The following FTSJ1 variants were observed in gnomAD, a reference collection of about 807,000 sequenced individuals.
The protein encoded by FTSJ1 is FtsJ RNA 2'-O-methyltransferase 1.
A neutral mutation model predicts 28.5 loss-of-function variants in FTSJ1; 3 were observed. The observed-to-expected ratio is 0.11, with a 90% CI of 0.05 to 0.27. The LOEUF (loss-of-function observed/expected upper bound fraction) is 0.27, where lower values mean the gene tolerates loss of function less well. Ranked by LOEUF, FTSJ1 falls within the 10% of genes least tolerant of loss-of-function variation. The pLI, the probability that FTSJ1 is intolerant of heterozygous loss-of-function variation, is 1.00. For missense variants in FTSJ1, 162 were observed against 279.0 expected, an observed-to-expected ratio of 0.58 and a Z score of 2.99; for synonymous variants, 104 against 113.9, an observed-to-expected ratio of 0.91 and a Z score of 0.55.
In FTSJ1 at chrX:48,481,413, T is replaced by C. The variant is rs1556968482; in HGVS notation, c.469-13T>C. ...CCACCCTCACCCGCTGTCTTTGCCT[T>C]CTCACCCTGCAGATATTCCGAGGCC... On this transcript the variant is annotated splice_polypyrimidine_tract_variant and intron_variant, in intron 7 of 12. Coordinates refer to ENST00000348411, the MANE Select transcript of FTSJ1 (RefSeq NM_012280.4). 8.3e-7 allele frequency: 1 copy of C among 1,208,824 alleles called. No individual in the cohort carries two copies.
chrX:48,477,471 G>A (rs1252354497), intron 1 of FTSJ1, among the ~76,000 whole-genome samples: 4 of 111,382 alleles, frequency 3.6e-5, no homozygotes. Context: ...GGCGAATGGG[G>A]TGAAACGAGA....
chrX:48,478,243 G>A, intron 2 of FTSJ1, 75 bp downstream of exon 2: 1 of 1,024,168 alleles, frequency 9.8e-7, no homozygotes, highest in South Asian at 2.0e-5. Context: ...GGTCTGCAGA[G>A]CTCCCTGTGG....
At chrX:48,484,439 A>G (rs2061589537) in intron 12 of FTSJ1, among the ~76,000 whole-genome samples, 1 of 109,603 alleles carries the variant, frequency 9.1e-6, no homozygotes, top group South Asian at 3.9e-4. Flanking sequence ...GGTGGAGTGC[A>G]GTGGCACTAT....
intron 12 of FTSJ1, among the ~76,000 whole-genome samples, chrX:48,483,493 A>G (rs1192481476): frequency 9.0e-6 from 1 of 111,699 alleles, no homozygotes; most frequent in East Asian, 2.8e-4. Flanking sequence ...AATTCTAGGC[A>G]TGGCAGTTTT....
chrX:48,483,216 T>C (rs1250585057), intron 12 of FTSJ1, 189 bp downstream of exon 12: 2 of 453,133 alleles, frequency 4.4e-6, no homozygotes. Context: ...CAGTAAACAT[T>C]TATTGAGCAC....
In FTSJ1 at chrX:48,485,880, A is replaced by G. The variant is rs1166913198; in HGVS notation, c.*154A>G. The G allele has an allele frequency of 8.9e-6, 1 of 111,931 alleles. No individual in the cohort carries two copies. Among genetic ancestry groups the G allele is most frequent in the Admixed American group, 9.5e-5 (1 of 10,481 alleles). The allele number at this position is 111,931 out of a possible 1,213,427, so 9.2% of individuals were successfully genotyped here. A position where few individuals can be genotyped will look rare whatever the true frequency, so the allele number is the denominator to read the frequency against. ...GATCTGCAACAACCCTGAAGACAACAAGGAAAGAAACCATGAAAGTCTGTC... is the reference window on the plus strand; with the variant it reads ...GATCTGCAACAACCCTGAAGACAACGAGGAAAGAAACCATGAAAGTCTGTC... On this transcript the variant is annotated 3_prime_UTR_variant, in exon 13 of 13. Coordinates refer to ENST00000348411, the MANE Select transcript of FTSJ1 (RefSeq NM_012280.4).
Position 48,478,112 on chromosome X carries a change from G to T in FTSJ1, c.65G>T (p.Arg22Leu). The T allele has an allele frequency of 8.3e-7, 1 of 1,210,370 alleles. No homozygotes were observed. Among genetic ancestry groups the T allele is most frequent in the Non-Finnish European group, 1.1e-6 (1 of 894,442 alleles). Residue 22 changes from arginine (R) to leucine (L), a missense_variant, in exon 2 of 13, where the codon CGT becomes CTT. By Grantham distance (102) the Arg-to-Leu change is moderately radical. Transcript: ENST00000348411. The part of the protein sequence containing the change: ...YYRLAKENGW[R>L]ARSAFKLLQL... ...CGCCTGGCCAAGGAGAATGGCTGGC[G>T]TGCTCGCAGCGCCTTCAAACTGCTA... is the stretch of plus-strand genomic sequence containing the variant.
rs781843691 is a variant in FTSJ1 at position 48,479,085 on chromosome X, G to A, written c.330G>A (p.Ala110=). The stretch of plus-strand genomic sequence containing the variant: ...TCCAGCACTTTAAGGGCTGCCCTGC[G>A]GACCTAGTGGTGTGTGACGGGGCTC... ...EIIQHFKGCP[A]DLVVCDGAPD... The change falls in exon 5 of 13, where the codon GCG becomes GCA. Residue 110 remains alanine (A), a synonymous_variant. Coordinates refer to ENST00000348411, the MANE Select transcript of FTSJ1 (RefSeq NM_012280.4). 1.5e-5 allele frequency: 18 copies of A among 1,207,524 alleles called. No individual in the cohort carries two copies. The highest frequency in any genetic ancestry group is 2.3e-4 in the Middle Eastern group (1 of 4,338).
At chrX:48,483,871 C>A (rs781914961) in intron 12 of FTSJ1, among the ~76,000 whole-genome samples, 1 of 109,376 alleles carries the variant, frequency 9.1e-6, no homozygotes, top group African/African-American at 3.3e-5. Flanking sequence ...AAGGCACTGC[C>A]GGAGGGAAGC....
intron 1 of FTSJ1, 36 bp from the exon 2 acceptor site, chrX:48,477,925 C>A: frequency 9.6e-7 from 1 of 1,045,527 alleles, no homozygotes; most frequent in Non-Finnish European, 1.3e-6. Flanking sequence ...GTCAGATGAG[C>A]CCAGTTTAGT....
rs1249836828 is a variant in FTSJ1 at position 48,477,481 on chromosome X, A to G, written c.-87-480A>G. ...TTAATGGCGAATGGGGTGAAACGAG[A>G]GAGATATAGGGAGTGGGAGGTACAA... is the stretch of plus-strand genomic sequence containing the variant. On this transcript the variant is annotated intron_variant, in intron 1 of 12. Transcript: ENST00000348411. 5.4e-5 allele frequency among the ~76,000 whole-genome samples: 6 copies of G among 111,141 alleles called. No individual in the cohort carries two copies. The Admixed American group carries it at 5.7e-4, about 11-fold the overall frequency.
At position 48,476,227 on chromosome X, in the gene FTSJ1, C is replaced by T. The variant is rs2061530777; in HGVS notation, c.-257C>T. On this transcript the variant is annotated 5_prime_UTR_variant, in exon 1 of 13. Transcript: ENST00000348411. ...CACATCAGGTCCCGGCCCGCCGGAACCTGGGCGATCCACGATGCCGAGTTT... is the reference window on the plus strand; with the variant it reads ...CACATCAGGTCCCGGCCCGCCGGAATCTGGGCGATCCACGATGCCGAGTTT... The T allele has an allele frequency of 3.4e-6, 1 of 298,248 alleles. No homozygotes were observed. The highest frequency in any genetic ancestry group is 5.9e-6 in the Non-Finnish European group (1 of 170,411). 24.6% of individuals were successfully genotyped at this position (298,248 alleles called of 1,213,427 possible).
chrX:48,476,414 G>A lies in FTSJ1; in HGVS notation c.-88+18G>A, dbSNP rs1210753467. ...AAACTAAGGTGGGCCCTGGGGCGCG[G>A]AGGACAGGAATGCGGGCGGAGGCTA... On this transcript the variant is annotated intron_variant, in intron 1 of 12. Transcript: ENST00000348411. 5 of 294,467 alleles carry A rather than the reference G, an allele frequency of 1.7e-5. No individual in the cohort carries two copies. The highest frequency in any genetic ancestry group is 1.4e-4 in the African/African-American group (5 of 37,019). The allele number at this position is 294,467 out of a possible 1,213,427, so 24.3% of individuals were successfully genotyped here.
intron 5 of FTSJ1, among the ~76,000 whole-genome samples, chrX:48,480,852 G>A (rs1210037347): frequency 1.8e-5 from 2 of 111,063 alleles, no homozygotes. Context: ...TAGGTCAGGA[G>A]TTTGGTTGTG....
intron 12 of FTSJ1, chrX:48,483,289 T>C (rs906131816): frequency 1.8e-5 from 7 of 389,994 alleles, no homozygotes; most frequent in African/African-American, 1.0e-4. Context: ...CAGAAATATC[T>C]TGGCTCTCAC....
chrX:48,482,464 G>C lies in FTSJ1; in HGVS notation c.717G>C (p.Gly239=), dbSNP rs2061575491. 1 of 1,204,572 alleles carries C rather than the reference G, an allele frequency of 8.3e-7. No homozygotes were observed. The highest frequency in any genetic ancestry group is 2.2e-5 in the Admixed American group (1 of 45,616). Residue 239 remains glycine, a synonymous_variant, in exon 10 of 13, where the codon GGG becomes GGC. Coordinates refer to ENST00000348411, the MANE Select transcript of FTSJ1 (RefSeq NM_012280.4). ...TCATTGTGCCTTTTGTGACCTGTGG[G>C]GACCTGAGCTCCTATGATTCGGACC... ...TRIIVPFVTC[G]DLSSYDSDRS... is the part of the protein sequence containing the mutation.
At position 48,481,642 on chromosome X, in the gene FTSJ1, T is replaced by G; in HGVS notation, c.582T>G (p.Ala194=). The G allele has an allele frequency of 8.4e-7, 1 of 1,193,639 alleles. No individual in the cohort carries two copies. ...ACCTTCCCCTGGCAGAGGCCTTCGCTGTCTGTCAGGGCTATGACCCTCCCG... is the reference window on the plus strand; with the variant it reads ...ACCTTCCCCTGGCAGAGGCCTTCGCGGTCTGTCAGGGCTATGACCCTCCCG... ...SSRNSSIEAF[A]VCQGYDPPEG... The change falls in exon 9 of 13, where the codon GCT becomes GCG. Residue 194 remains alanine (A), a synonymous_variant. Transcript: ENST00000348411.
intron 5 of FTSJ1, among the ~76,000 whole-genome samples, chrX:48,480,905 C>T (rs782166447): frequency 9.0e-6 from 1 of 110,794 alleles, no homozygotes; most frequent in African/African-American, 3.3e-5. Context: ...ATCTGGAGTT[C>T]AGAGGAACAG....
At position 48,478,488 on chromosome X, in the gene FTSJ1, G is replaced by A; in HGVS notation, c.161G>A (p.Ser54Asn). 8.3e-7 allele frequency: 1 copy of A among 1,210,682 alleles called. No individual in the cohort carries two copies. The highest frequency in any genetic ancestry group is 1.1e-6 in the Non-Finnish European group (1 of 894,812). Residue 54 changes from serine (S) to asparagine (N), a missense_variant, in exon 3 of 13, where the codon AGC becomes AAC. Physicochemically the swap from Ser to Asn is conservative, Grantham distance 46 (BLOSUM62 1). Transcript: ENST00000348411. ...RAVDLCAAPG[S>N]WSQVLSQKIG... Reference sequence around the variant, plus strand: ...GTTGACCTGTGTGCAGCCCCAGGCAGCTGGAGCCAGGTGCTGAGCCAGAAG... The same window carrying A: ...GTTGACCTGTGTGCAGCCCCAGGCAACTGGAGCCAGGTGCTGAGCCAGAAG...
Sources: gnomAD v4.1 joint callset for allele counts (sites outside exome capture counted in the v4.1 genomes callset) on GRCh38, gnomAD v4.1.1 for gene constraint, MANE v1.5 for transcripts, NCBI Gene and HGNC (gene_info 2026-07-23, HGNC 2026-07-21) for gene names.